MYO3A: variants seen among roughly 807,000 people sequenced by gnomAD.
MYO3A encodes myosin-IIIa.
Under a neutral mutation model 192.7 loss-of-function variants are expected in MYO3A, and 180 were observed. That is an observed-to-expected ratio of 0.93 (90% confidence interval 0.83 to 1.06). The LOEUF is 1.06. MYO3A is among the 50% of genes least tolerant of loss of function. The pLI is 0.00. For missense variants in MYO3A, 1,896 were observed against 1,905.0 expected, an observed-to-expected ratio of 1.00 and a Z score of 0.09; for synonymous variants, 628 against 645.3, an observed-to-expected ratio of 0.97 and a Z score of 0.41.
intron 20 of MYO3A, among the ~76,000 whole-genome samples, chr10:26,134,441 A>G (rs1391850091): frequency 6.6e-6 from 1 of 151,922 alleles, no homozygotes; most frequent in African/African-American, 2.4e-5. Flanking sequence ...TTTCATAACA[A>G]GAGTTCACGT....
chr10:26,033,232 C>G (rs1043469510), intron 10 of MYO3A, among the ~76,000 whole-genome samples: 1 of 152,076 alleles, frequency 6.6e-6, no homozygotes, highest in Non-Finnish European at 1.5e-5. Flanking sequence ...CGCCACTGTG[C>G]CCGGCTAATT....
Position 26,173,697 on chromosome 10 carries a change from A to T in MYO3A, c.3433A>T (p.Ile1145Phe), listed in dbSNP as rs139675957. 5.6e-6 allele frequency: 9 copies of T among 1,613,792 alleles called. No individual in the cohort carries two copies. The highest frequency in any genetic ancestry group is 7.6e-6 in the Non-Finnish European group (9 of 1,179,882). ...SFVKKQAENA[I>F]SANERFISAP... The stretch of plus-strand genomic sequence containing the variant: ...CGTGAAGAAACAAGCAGAAAATGCA[A>T]TCTCTGCTAATGAAAGATTCATTTC... The change falls in exon 30 of 35, where the codon ATC becomes TTC. Residue 1145 changes from isoleucine (I) to phenylalanine (F), a missense_variant. By Grantham distance (21) the Ile-to-Phe change is conservative. Coordinates refer to ENST00000642920, the MANE Select transcript of MYO3A (RefSeq NM_017433.5).
chr10:25,942,802 T>G (rs1836583749), intron 2 of MYO3A, among the ~76,000 whole-genome samples: 1 of 141,594 alleles, frequency 7.1e-6, no homozygotes, highest in South Asian at 2.4e-4. Flanking sequence ...TTTTTTTTTT[T>G]TAGTTGTAGA....
At chr10:26,164,948 G>T (rs996620845) in intron 26 of MYO3A, among the ~76,000 whole-genome samples, 1 of 152,178 alleles carries the variant, frequency 6.6e-6, no homozygotes, top group Non-Finnish European at 1.5e-5. Flanking sequence ...AAGTGAGCAG[G>T]CCTAGTGGCT....
chr10:26,130,956 T>C (rs17666791), intron 20 of MYO3A, among the ~76,000 whole-genome samples: 1,951 of 152,336 alleles, frequency 0.013, 24 homozygotes, highest in Middle Eastern at 0.024. Context: ...CATTTTTTGG[T>C]CGAATATAAT....
intron 17 of MYO3A, among the ~76,000 whole-genome samples, chr10:26,102,949 T>C (rs1837561643): frequency 6.6e-6 from 1 of 152,210 alleles, no homozygotes. Flanking sequence ...GACGTTTAAG[T>C]CTGTAGAAGT....
At chr10:25,976,693 C>T (rs191194354) in intron 4 of MYO3A, among the ~76,000 whole-genome samples, 9 of 152,206 alleles carry the variant, frequency 5.9e-5, no homozygotes, top group Admixed American at 3.3e-4. Flanking sequence ...GTAGCTCTAG[C>T]TTAGGAAAAT....
intron 10 of MYO3A, among the ~76,000 whole-genome samples, chr10:26,027,053 G>A (rs1193009667): frequency 6.6e-6 from 1 of 151,980 alleles, no homozygotes; most frequent in Non-Finnish European, 1.5e-5. Flanking sequence ...TTTTGTATTG[G>A]TATATGTTTT....
chr10:26,087,306 A>G (rs916957697), intron 14 of MYO3A, among the ~76,000 whole-genome samples: 4 of 152,096 alleles, frequency 2.6e-5, no homozygotes, highest in Admixed American at 1.3e-4. Context: ...ACAGCCTCAA[A>G]ACTTCATTGT....
chr10:26,118,806 A>G (rs565161150), intron 17 of MYO3A, among the ~76,000 whole-genome samples: 2 of 151,728 alleles, frequency 1.3e-5, no homozygotes, highest in African/African-American at 4.8e-5. Context: ...TAATTTTTGT[A>G]TTTTTAGTAG....
chr10:26,048,989 C>CAAGGG (rs1843801368), intron 10 of MYO3A, among the ~76,000 whole-genome samples: 1 of 152,108 alleles, frequency 6.6e-6, no homozygotes, highest in South Asian at 2.1e-4. Context: ...GTGTAGCCCT[C>CAAGGG]AAGGGAGGAA....
In MYO3A at chr10:26,016,809, T is replaced by A; in HGVS notation, c.509-11T>A. The A allele has an allele frequency of 3.7e-6, 6 of 1,613,734 alleles. No homozygotes were observed. The highest frequency in any genetic ancestry group is 4.2e-6 in the Non-Finnish European group (5 of 1,179,604). On this transcript the variant is annotated splice_polypyrimidine_tract_variant and intron_variant, in intron 6 of 34. Coordinates refer to ENST00000642920, the MANE Select transcript of MYO3A (RefSeq NM_017433.5). ...TTAATGCAAAAAAGTACATCTTGTC[T>A]CTTCCTCTAGGTGTGTCTGCACAGC...
intron 10 of MYO3A, among the ~76,000 whole-genome samples, chr10:26,049,325 G>A (rs11812335): frequency 0.16 from 24,739 of 152,184 alleles, 2,307 homozygotes; most frequent in Non-Finnish European, 0.21. Flanking sequence ...GCCAGGAGAG[G>A]TGGAGGTGAG....
intron 29 of MYO3A, among the ~76,000 whole-genome samples, chr10:26,172,470 C>T (rs1373865963): frequency 6.6e-6 from 1 of 152,216 alleles, no homozygotes; most frequent in African/African-American, 2.4e-5. Flanking sequence ...TGAGCCCAGA[C>T]ATGTAACTGA....
chr10:25,961,835 C>T (rs1837949472), intron 4 of MYO3A, among the ~76,000 whole-genome samples: 1 of 152,142 alleles, frequency 6.6e-6, no homozygotes, highest in African/African-American at 2.4e-5. Flanking sequence ...CTTTGTAGTA[C>T]AACATGACTG....
At chr10:26,034,285 C>G (rs993147876) in intron 10 of MYO3A, among the ~76,000 whole-genome samples, 2 of 152,190 alleles carry the variant, frequency 1.3e-5, no homozygotes, top group African/African-American at 4.8e-5. Context: ...TTAATTGGGT[C>G]TTGTCCTTTT....
At chr10:26,145,321 A>G (rs570190937) in intron 21 of MYO3A, 125 bp from the exon 22 acceptor site, 20 of 687,294 alleles carry the variant, frequency 2.9e-5, no homozygotes, top group South Asian at 5.0e-5. Flanking sequence ...CCAAATCTGC[A>G]TATATTAGCT....
intron 4 of MYO3A, among the ~76,000 whole-genome samples, chr10:25,991,896 A>T (rs1188935385): frequency 1.3e-5 from 2 of 152,190 alleles, no homozygotes; most frequent in African/African-American, 2.4e-5. Flanking sequence ...TACCAGTACC[A>T]TGCTGTTTTG....
intron 14 of MYO3A, among the ~76,000 whole-genome samples, chr10:26,074,139 T>C (rs1835384835): frequency 6.6e-6 from 1 of 152,176 alleles, no homozygotes; most frequent in Admixed American, 6.5e-5. Context: ...TTATGATCTA[T>C]ATGGTTATAA....
Sources: gnomAD v4.1 joint callset for allele counts (sites outside exome capture counted in the v4.1 genomes callset) on GRCh38, gnomAD v4.1.1 for gene constraint, MANE v1.5 for transcripts, NCBI Gene and HGNC (gene_info 2026-07-23, HGNC 2026-07-21) for gene names.